TRAF1: variants seen among roughly 807,000 people sequenced by gnomAD.
TRAF1 encodes TNF receptor associated factor 1, also known as TNF receptor-associated factor 1.
A neutral mutation model predicts 40.9 loss-of-function variants in TRAF1; 23 were observed. That is an observed-to-expected ratio of 0.56 (90% CI 0.40 to 0.80). TRAF1 has a LOEUF of 0.80. TRAF1 is among the 30% of genes least tolerant of loss of function. The pLI is 0.00. For missense variants in TRAF1, 477 were observed against 528.7 expected, an observed-to-expected ratio of 0.90 and a Z score of 0.96; for synonymous variants, 206 against 218.8, an observed-to-expected ratio of 0.94 and a Z score of 0.52.
At chr9:120,915,790 C>T (rs1420750894) in intron 3 of TRAF1, among the ~76,000 whole-genome samples, 1 of 152,040 alleles carries the variant, frequency 6.6e-6, no homozygotes, top group Non-Finnish European at 1.5e-5. Context: ...GCTATGATCA[C>T]ATCACTGTAC....
At chr9:120,926,341 G>C (rs1193222580) in intron 1 of TRAF1, 40 bp from the exon 2 acceptor site, 5 of 308,844 alleles carry the variant, frequency 1.6e-5, no homozygotes, top group African/African-American at 4.4e-5. Flanking sequence ...TTTTTAGAGT[G>C]AGAAAAAGCA....
chr9:120,909,350 C>T lies in TRAF1; in HGVS notation c.912G>A (p.Lys304=), dbSNP rs139440050. The change falls in exon 7 of 8, where the codon AAG becomes AAA. Residue 304 remains lysine, a synonymous_variant. Coordinates refer to ENST00000373887, the MANE Select transcript of TRAF1 (RefSeq NM_005658.5). ...PAFYTAKYGY[K]LCLRLYLNGD... is the part of the protein sequence containing the mutation. ...CATTCAGGTACAGCCGCAGGCACAACTTGTAGCCATACTTGGCAGTGTAGA... is the reference window on the plus strand; with the variant it reads ...CATTCAGGTACAGCCGCAGGCACAATTTGTAGCCATACTTGGCAGTGTAGA... 9 of 1,614,032 alleles carry T rather than the reference C, an allele frequency of 5.6e-6. No individual in the cohort carries two copies. Among genetic ancestry groups the T allele is most frequent in the African/African-American group, 5.3e-5 (4 of 74,934 alleles).
chr9:120,912,571 C>T (rs1163208908), intron 5 of TRAF1, among the ~76,000 whole-genome samples: 4 of 151,830 alleles, frequency 2.6e-5, no homozygotes, highest in Admixed American at 1.3e-4. Flanking sequence ...GCAGGAGAAT[C>T]GCTTGAACCT....
chr9:120,910,641 C>T lies in TRAF1; in HGVS notation c.883+695G>A, dbSNP rs1012575975. ...TGAACTCCTGGCCTCAAATGATCCTCTTGCCTCAGCCTCCCAAAGTGTTAG... is the reference window on the plus strand; with the variant it reads ...TGAACTCCTGGCCTCAAATGATCCTTTTGCCTCAGCCTCCCAAAGTGTTAG... On this transcript the variant is annotated intron_variant, in intron 6 of 7. Coordinates refer to ENST00000373887, the MANE Select transcript of TRAF1 (RefSeq NM_005658.5). Among the ~76,000 whole-genome samples the T allele has an allele frequency of 3.3e-5, 5 of 152,338 alleles. No individual in the cohort carries two copies. In the Middle Eastern group the frequency reaches 0.01, roughly 311 times the overall value.
At position 120,905,089 on chromosome 9, in the gene TRAF1, C is replaced by T; in HGVS notation, c.1182G>A (p.Gln394=). The T allele has an allele frequency of 6.2e-7, 1 of 1,614,280 alleles. No homozygotes were observed. The highest frequency in any genetic ancestry group is 8.5e-7 in the Non-Finnish European group (1 of 1,180,050). ...CCTTCACGTAGGCGTGCTTGGGTGACTGCAGTTTGCTGAGGGGGAAGAAGA... is the reference window on the plus strand; with the variant it reads ...CCTTCACGTAGGCGTGCTTGGGTGATTGCAGTTTGCTGAGGGGGAAGAAGA... ...CPLFFPLSKL[Q]SPKHAYVKDD... Residue 394 remains glutamine (Q), a synonymous_variant, in exon 8 of 8, where the codon CAG becomes CAA. Coordinates refer to ENST00000373887, the MANE Select transcript of TRAF1 (RefSeq NM_005658.5).
At chr9:120,907,394 T>A (rs1370274352) in intron 7 of TRAF1, among the ~76,000 whole-genome samples, 1 of 152,252 alleles carries the variant, frequency 6.6e-6, no homozygotes, top group African/African-American at 2.4e-5. Flanking sequence ...CTTCCAAGTT[T>A]TGGCAATTAT....
rs779587375 is a variant in TRAF1 at position 120,909,226 on chromosome 9, A to G, written c.1032+4T>C. On this transcript the variant is annotated splice_donor_region_variant and intron_variant, in intron 7 of 7. Transcript: ENST00000373887. Reference sequence around the variant, plus strand: ...CCTTACCCCCATCACCTTCACACCCATACCTTGTTCCGGAAGGGCCACGGC... The same window carrying G: ...CCTTACCCCCATCACCTTCACACCCGTACCTTGTTCCGGAAGGGCCACGGC... 6.8e-6 allele frequency: 11 copies of G among 1,613,428 alleles called. No homozygotes were observed. In the East Asian group the frequency reaches 1.8e-4, roughly 26 times the overall value.
chr9:120,909,423 C>A (rs947839657), intron 6 of TRAF1, 45 bp from the exon 7 acceptor site: 2 of 1,598,340 alleles, frequency 1.3e-6, no homozygotes, highest in African/African-American at 1.3e-5. Context: ...CTGGACTTTG[C>A]AGATGTGGGA....
At chr9:120,928,399 A>G (rs2131639600), upstream of TRAF1, 1 of 152,422 alleles carries the variant, frequency 6.6e-6, no homozygotes, top group South Asian at 2.1e-4. Flanking sequence ...GGGACGCCAA[A>G]TGCCCTGGGC....
intron 2 of TRAF1, among the ~76,000 whole-genome samples, chr9:120,924,065 A>G (rs922193995): frequency 3.3e-5 from 5 of 152,134 alleles, no homozygotes; most frequent in African/African-American, 1.2e-4. Context: ...GAATATATAC[A>G]TGTTTCATTG....
At chr9:120,913,858 G>T in intron 4 of TRAF1, 120 bp from the exon 5 acceptor site, 1 of 1,212,502 alleles carries the variant, frequency 8.2e-7, no homozygotes, top group Non-Finnish European at 1.1e-6. Flanking sequence ...AAAAGGAGTG[G>T]CTTTCTGTAC....
In TRAF1 at chr9:120,905,218, G is replaced by A. The variant is rs758021473; in HGVS notation, c.1053C>T (p.Asp351=). The A allele has an allele frequency of 5.0e-6, 8 of 1,612,044 alleles. No homozygotes were observed. The African/African-American group carries it at 9.3e-5, about 19-fold the overall frequency. Residue 351 remains aspartate, a synonymous_variant, in exon 8 of 8, where the codon GAC becomes GAT. Coordinates refer to ENST00000373887, the MANE Select transcript of TRAF1 (RefSeq NM_005658.5). ...CAATGGCGTGCTCACGGTTGTTCTG[G>A]TCCAGCAGCATGAAGGTGACCTGCA... is the stretch of plus-strand genomic sequence containing the variant. ...FRNKVTFMLL[D]QNNREHAIDA... is the part of the protein sequence containing the mutation.
rs765463319 is a variant in TRAF1, at chr9:120,913,454, C to T, written c.579G>A (p.Lys193=). The change falls in exon 5 of 8, where the codon AAG becomes AAA. Residue 193 remains lysine (K), a synonymous_variant. Coordinates refer to ENST00000373887, the MANE Select transcript of TRAF1 (RefSeq NM_005658.5). Reference sequence around the variant, plus strand: ...CAACAATGTTCTCAAACACACGCAGCTTCCCCTCCAGCTCAGCCAGAAGCT... The same window carrying T: ...CAACAATGTTCTCAAACACACGCAGTTTCCCCTCCAGCTCAGCCAGAAGCT... ...KEKLLAELEG[K]LRVFENIVAV... 1.1e-5 allele frequency: 18 copies of T among 1,613,882 alleles called. No homozygotes were observed. In the Middle Eastern group the frequency reaches 1.2e-3, roughly 103 times the overall value.
At chr9:120,925,882 G>A (rs577632259) in intron 2 of TRAF1, 54 bp downstream of exon 2, 5 of 1,610,130 alleles carry the variant, frequency 3.1e-6, no homozygotes, top group African/African-American at 2.7e-5. Context: ...TCCCATCAGG[G>A]GTCCCTCCCT....
rs2046544158 is a variant in TRAF1 at position 120,913,445 on chromosome 9, C to T, written c.588G>A (p.Val196=). The T allele has an allele frequency of 1.2e-6, 2 of 1,613,894 alleles. No individual in the cohort carries two copies. Among genetic ancestry groups the T allele is most frequent in the Non-Finnish European group, 1.7e-6 (2 of 1,180,036 alleles). Residue 196 remains valine (V), a synonymous_variant, in exon 5 of 8, where the codon GTG becomes GTA. Transcript: ENST00000373887. ...TGAGGACAGCAACAATGTTCTCAAACACACGCAGCTTCCCCTCCAGCTCAG... is the reference window on the plus strand; with the variant it reads ...TGAGGACAGCAACAATGTTCTCAAATACACGCAGCTTCCCCTCCAGCTCAG... The part of the protein sequence containing the change: ...LLAELEGKLR[V]FENIVAVLNK...
chr9:120,928,105 C>G (rs767853286), upstream of TRAF1: 1 of 152,270 alleles, frequency 6.6e-6, no homozygotes, highest in East Asian at 1.9e-4. Flanking sequence ...CTAATTTTCA[C>G]TCTGTGAAGC....
chr9:120,925,055 C>T (rs2046630074), intron 2 of TRAF1, among the ~76,000 whole-genome samples: 1 of 152,264 alleles, frequency 6.6e-6, no homozygotes, highest in Non-Finnish European at 1.5e-5. Context: ...TCCACGGCCA[C>T]AGCCTCTCCT....
chr9:120,924,702 A>G (rs2046627288), intron 2 of TRAF1, among the ~76,000 whole-genome samples: 2 of 152,212 alleles, frequency 1.3e-5, no homozygotes, highest in Admixed American at 6.5e-5. Context: ...GGCATGAGCC[A>G]CTGCGCCTGG....
chr9:120,912,913 G>T (rs1343340534), intron 5 of TRAF1, among the ~76,000 whole-genome samples: 1 of 152,208 alleles, frequency 6.6e-6, no homozygotes, highest in Non-Finnish European at 1.5e-5. Context: ...GACAGAATCT[G>T]ACCCTCCATC....
Sources: gnomAD v4.1 joint callset for allele counts (sites outside exome capture counted in the v4.1 genomes callset) on GRCh38, gnomAD v4.1.1 for gene constraint, MANE v1.5 for transcripts, NCBI Gene and HGNC (gene_info 2026-07-23, HGNC 2026-07-21) for gene names.